Variants in NEU3 observed in about 807,000 individuals in gnomAD.
NEU3 encodes neuraminidase 3, also known as sialidase-3.
NEU3 carries 10 observed loss-of-function variants against 11.4 expected under a neutral mutation model. The observed-to-expected ratio is 0.88, with a 90% CI of 0.54 to 1.49. The LOEUF (loss-of-function observed/expected upper bound fraction) is 1.49, where lower values mean the gene tolerates loss of function less well. Ranked by LOEUF, NEU3 falls within the 40% of genes most tolerant of loss-of-function variation. The probability of loss-of-function intolerance (pLI) is 0.00; values close to 1 mark genes in which losing one functional copy is unlikely to be tolerated. For missense variants in NEU3, 529 were observed against 581.8 expected (o/e 0.91, Z 0.93); for synonymous variants, 212 against 228.2 (o/e 0.93, Z 0.64).
At chr11:74,985,647 A>T (rs558845733), upstream of NEU3, among the ~76,000 whole-genome samples, 13 of 152,362 alleles carry the variant, frequency 8.5e-5, no homozygotes, top group South Asian at 2.7e-3. Context: ...CTTCGATAAA[A>T]TAAGGACACA....
chr11:74,987,656 A>T (rs2140228704), upstream of NEU3, among the ~76,000 whole-genome samples: 1 of 152,152 alleles, frequency 6.6e-6, no homozygotes, highest in South Asian at 2.1e-4. Flanking sequence ...TATAAAAAAT[A>T]CAAAAAATTA....
chr11:75,002,240 A>T (rs184621602), intron 2 of NEU3, among the ~76,000 whole-genome samples: 8 of 152,290 alleles, frequency 5.3e-5, no homozygotes, highest in Admixed American at 3.9e-4. Context: ...TTTTGTAGAG[A>T]TAAGGACCCA....
intron 3 of NEU3, among the ~76,000 whole-genome samples, chr11:75,016,974 A>C (rs1380216981): frequency 6.6e-6 from 1 of 152,230 alleles, no homozygotes; most frequent in Non-Finnish European, 1.5e-5. Flanking sequence ...TTGGGTGAAC[A>C]CATCCGACCT....
chr11:75,015,472 TA>T (rs1207193763), downstream of NEU3, among the ~76,000 whole-genome samples: 2 of 152,094 alleles, frequency 1.3e-5, no homozygotes, highest in Admixed American at 6.5e-5. Context: ...AAGAGGTTTT[TA>T]AAAAAACAAA....
At chr11:75,001,965 CGGA>C (rs1241500212) in intron 2 of NEU3, among the ~76,000 whole-genome samples, 4 of 152,190 alleles carry the variant, frequency 2.6e-5, no homozygotes, top group African/African-American at 7.2e-5. Flanking sequence ...AGTTCAAGGA[CGGA>C]ATGGTCTTTT....
chr11:75,019,653 A>G (rs554481436), downstream of NEU3, among the ~76,000 whole-genome samples: 7 of 152,356 alleles, frequency 4.6e-5, no homozygotes, highest in East Asian at 1.2e-3. Context: ...AGTGCACAGA[A>G]GTCAAGAATT....
At chr11:74,990,481 C>T (rs1437504158) in intron 1 of NEU3, among the ~76,000 whole-genome samples, 4 of 152,118 alleles carry the variant, frequency 2.6e-5, no homozygotes, top group South Asian at 4.1e-4. Flanking sequence ...CTCAGCCTCC[C>T]GAATAGCTGG....
At chr11:74,996,943 G>A (rs1244128711) in intron 2 of NEU3, among the ~76,000 whole-genome samples, 1 of 152,222 alleles carries the variant, frequency 6.6e-6, no homozygotes, top group African/African-American at 2.4e-5. Context: ...GGTCTCAACA[G>A]GGGGCTGTAA....
At chr11:74,994,897 A>G (rs1454482880) in intron 2 of NEU3, 177 bp downstream of exon 2, 1 of 709,010 alleles carries the variant, frequency 1.4e-6, no homozygotes, top group Non-Finnish European at 2.6e-6. Context: ...CCAGGGGCAC[A>G]TTGGGTCCTC....
intron 2 of NEU3, among the ~76,000 whole-genome samples, chr11:75,003,084 A>C (rs1948862123): frequency 1.3e-5 from 2 of 152,212 alleles, no homozygotes; most frequent in Admixed American, 6.5e-5. Flanking sequence ...GAGTGGAATT[A>C]CTGGCTCATG....
intron 2 of NEU3, among the ~76,000 whole-genome samples, chr11:75,002,803 G>A (rs955317016): frequency 6.6e-6 from 1 of 152,186 alleles, no homozygotes; most frequent in Non-Finnish European, 1.5e-5. Context: ...TAGCCCTAGA[G>A]TTTAGTTTTG....
At chr11:74,983,490 A>G (rs895375692), upstream of NEU3, among the ~76,000 whole-genome samples, 1 of 152,244 alleles carries the variant, frequency 6.6e-6, no homozygotes, top group African/African-American at 2.4e-5. Context: ...TGAGTACTCC[A>G]AGAGTGACCT....
chr11:74,985,386 G>C (rs995359873), upstream of NEU3, among the ~76,000 whole-genome samples: 4 of 151,910 alleles, frequency 2.6e-5, no homozygotes, highest in Non-Finnish European at 5.9e-5. Flanking sequence ...TTTATTATTC[G>C]TAAGCATTTT....
downstream of NEU3, among the ~76,000 whole-genome samples, chr11:75,012,158 C>T (rs188377189): frequency 3.9e-5 from 6 of 152,220 alleles, no homozygotes; most frequent in South Asian, 2.1e-4. Context: ...GGGGACTTAG[C>T]GGGTGGTAAT....
intron 2 of NEU3, among the ~76,000 whole-genome samples, chr11:75,001,396 C>T (rs1948843313): frequency 6.6e-6 from 1 of 151,666 alleles, no homozygotes; most frequent in Admixed American, 6.6e-5. Context: ...TCTCCTGCCA[C>T]AGCCTCCCAA....
chr11:74,989,851 A>G (rs681566), intron 1 of NEU3: 530,622 of 641,574 alleles, frequency 0.83, 220,873 homozygotes, highest in African/African-American at 0.86. Flanking sequence ...AGAAAGCGGG[A>G]AGGACTTGAT....
At chr11:75,000,642 C>A (rs1030509661) in intron 2 of NEU3, among the ~76,000 whole-genome samples, 1 of 148,350 alleles carries the variant, frequency 6.7e-6, no homozygotes, top group African/African-American at 2.5e-5. Flanking sequence ...TTTTTTGAGG[C>A]AGGGTCTCAC....
chr11:74,990,520 C>T (rs1948719206), intron 1 of NEU3, among the ~76,000 whole-genome samples: 1 of 152,042 alleles, frequency 6.6e-6, no homozygotes, highest in South Asian at 2.1e-4. Context: ...CCATGCCTGG[C>T]CAATTTTTTT....
At chr11:75,004,213 A>C in intron 2 of NEU3, 1 of 592,154 alleles carries the variant, frequency 1.7e-6, no homozygotes, top group Non-Finnish European at 3.0e-6. Context: ...CACATTTGCC[A>C]ACACAGTATT....
Sources: gnomAD v4.1 joint callset for allele counts (sites outside exome capture counted in the v4.1 genomes callset) on GRCh38, gnomAD v4.1.1 for gene constraint, MANE v1.5 for transcripts, NCBI Gene and HGNC (gene_info 2026-07-23, HGNC 2026-07-21) for gene names.